ZFPM2: variants seen among roughly 807,000 people sequenced by gnomAD.
The protein encoded by ZFPM2 is zinc finger protein ZFPM2.
ZFPM2 carries 20 observed loss-of-function variants against 98.6 expected under a neutral mutation model. That is an observed-to-expected ratio of 0.20 (90% CI 0.14 to 0.29). The LOEUF (loss-of-function observed/expected upper bound fraction) is 0.29. Ranked by LOEUF, ZFPM2 falls within the 10% of genes least tolerant of loss-of-function variation. The pLI is 1.00. For synonymous variants in ZFPM2, 518 were observed against 502.7 expected (o/e 1.03, Z -0.41); for missense variants, 1,310 against 1,388.6 (o/e 0.94, Z 0.90).
intron 1 of ZFPM2, among the ~76,000 whole-genome samples, chr8:105,329,506 T>C (rs1308520288): frequency 1.3e-5 from 2 of 151,846 alleles, no homozygotes; most frequent in African/African-American, 2.4e-5. Flanking sequence ...ATATTTCATA[T>C]TATACTTTGC....
chr8:105,574,541 G>A (rs1428738542), intron 4 of ZFPM2, among the ~76,000 whole-genome samples: 1 of 152,084 alleles, frequency 6.6e-6, no homozygotes, highest in Non-Finnish European at 1.5e-5. Flanking sequence ...CATTATTTAT[G>A]GCATTTTAGA....
intron 2 of ZFPM2, among the ~76,000 whole-genome samples, chr8:105,420,046 G>T (rs1803999713): frequency 6.6e-6 from 1 of 151,974 alleles, no homozygotes; most frequent in African/African-American, 2.4e-5. Flanking sequence ...ATCTCCTCCT[G>T]CACCAATGTA....
intron 3 of ZFPM2, among the ~76,000 whole-genome samples, chr8:105,529,282 T>G (rs1290663635): frequency 2.0e-5 from 3 of 152,152 alleles, no homozygotes; most frequent in African/African-American, 4.8e-5. Context: ...TTAAATGCCC[T>G]ACTTCTACAT....
intron 2 of ZFPM2, among the ~76,000 whole-genome samples, chr8:105,431,078 T>G (rs1812010876): frequency 6.6e-6 from 1 of 152,022 alleles, no homozygotes; most frequent in South Asian, 2.1e-4. Flanking sequence ...TAATTTTTTT[T>G]TGTATTTTTA....
At chr8:105,412,548 A>G (rs572011832) in intron 1 of ZFPM2, among the ~76,000 whole-genome samples, 7 of 151,946 alleles carry the variant, frequency 4.6e-5, no homozygotes, top group South Asian at 2.1e-4. Context: ...ATGTAAATGA[A>G]AAAAAATCAA....
chr8:105,424,980 C>T (rs1292138390), intron 2 of ZFPM2, among the ~76,000 whole-genome samples: 3 of 152,010 alleles, frequency 2.0e-5, no homozygotes, highest in Admixed American at 1.3e-4. Context: ...TCATAAAGAG[C>T]GATGGGGAAG....
intron 3 of ZFPM2, among the ~76,000 whole-genome samples, chr8:105,516,498 G>A (rs1322384044): frequency 6.6e-6 from 1 of 152,120 alleles, no homozygotes; most frequent in African/African-American, 2.4e-5. Flanking sequence ...CCTGAATAGT[G>A]GTAGTTTTTA....
intron 5 of ZFPM2, among the ~76,000 whole-genome samples, chr8:105,716,816 G>C (rs764789763): frequency 1.1e-4 from 17 of 151,986 alleles, no homozygotes; most frequent in Non-Finnish European, 1.9e-4. Context: ...CAAGAGTACA[G>C]CACAACAGGG....
Position 105,365,750 on chromosome 8 carries a change from G to A in ZFPM2, c.40+46769G>A, listed in dbSNP as rs149701207. 7.8e-4 allele frequency among the ~76,000 whole-genome samples: 119 copies of A among 152,198 alleles called. 1 individual carries two copies. The highest frequency in any genetic ancestry group is 2.6e-3 in the African/African-American group (108 of 41,540). On this transcript the variant is annotated intron_variant, in intron 1 of 7. Coordinates refer to ENST00000407775, the MANE Select transcript of ZFPM2 (RefSeq NM_012082.4). Reference sequence around the variant, plus strand: ...TGGCCTCCCATCAAGACAGACTGACGTGCTCAGCCAGGACCACCTTACTTA... The same window carrying A: ...TGGCCTCCCATCAAGACAGACTGACATGCTCAGCCAGGACCACCTTACTTA...
At chr8:105,455,462 G>T (rs2130273791) in intron 3 of ZFPM2, among the ~76,000 whole-genome samples, 1 of 152,232 alleles carries the variant, frequency 6.6e-6, no homozygotes, top group Middle Eastern at 3.4e-3. Flanking sequence ...AACCAAGAGA[G>T]TGGTATAAGA....
At chr8:105,721,607 A>G (rs1238584277) in intron 5 of ZFPM2, among the ~76,000 whole-genome samples, 1 of 151,972 alleles carries the variant, frequency 6.6e-6, no homozygotes, top group Non-Finnish European at 1.5e-5. Context: ...GCCAGGTTAC[A>G]GTTTTTTTGC....
At chr8:105,506,184 C>T (rs302964) in intron 3 of ZFPM2, among the ~76,000 whole-genome samples, 89,999 of 151,956 alleles carry the variant, frequency 0.59, 28,391 homozygotes, top group African/African-American at 0.8. Flanking sequence ...TTGTTAGATA[C>T]CATCATTTGG....
rs1426090324 is a variant in ZFPM2, at chr8:105,518,060, T to C, written c.302-43303T>C. Among the ~76,000 whole-genome samples, 4 of 152,360 alleles carry C rather than the reference T, an allele frequency of 2.6e-5. No individual in the cohort carries two copies. In the South Asian group the frequency reaches 6.2e-4, roughly 24 times the overall value. ...ATTTTGTGACTAAGTTGATTTTATC[T>C]GTTAATTCAGTCAGAGGCACTTTGA... On this transcript the variant is annotated intron_variant, in intron 3 of 7. Coordinates refer to ENST00000407775, the MANE Select transcript of ZFPM2 (RefSeq NM_012082.4).
At chr8:105,594,539 G>A (rs1028077855) in intron 4 of ZFPM2, among the ~76,000 whole-genome samples, 8 of 151,956 alleles carry the variant, frequency 5.3e-5, no homozygotes, top group African/African-American at 1.7e-4. Context: ...TTGGTTCAAG[G>A]GACTGAGCTT....
intron 3 of ZFPM2, among the ~76,000 whole-genome samples, chr8:105,531,116 G>A (rs1161705979): frequency 2.6e-5 from 4 of 152,082 alleles, no homozygotes; most frequent in Non-Finnish European, 4.4e-5. Context: ...AATGATATGG[G>A]TTACCAAGAT....
At chr8:105,664,768 C>A (rs1817458785) in intron 5 of ZFPM2, among the ~76,000 whole-genome samples, 1 of 151,984 alleles carries the variant, frequency 6.6e-6, no homozygotes, top group Non-Finnish European at 1.5e-5. Context: ...TTCAGAGGGA[C>A]CTGATTAGTA....
intron 5 of ZFPM2, among the ~76,000 whole-genome samples, chr8:105,667,380 A>G (rs1817510127): frequency 6.6e-6 from 1 of 152,224 alleles, no homozygotes; most frequent in Non-Finnish European, 1.5e-5. Flanking sequence ...AACCAATATC[A>G]ATCAAATGAT....
intron 4 of ZFPM2, among the ~76,000 whole-genome samples, chr8:105,580,825 CTCTA>C (rs745552510): frequency 0.028 from 3,808 of 135,020 alleles, 70 homozygotes; most frequent in Middle Eastern, 0.048. Flanking sequence ...CTCTCTCTCT[CTCTA>C]TATATATATA....
At chr8:105,599,267 G>T (rs1322487163) in intron 4 of ZFPM2, among the ~76,000 whole-genome samples, 1 of 151,768 alleles carries the variant, frequency 6.6e-6, no homozygotes, top group Non-Finnish European at 1.5e-5. Flanking sequence ...ATGTCATACT[G>T]TGGCCCTGTC....
Sources: allele counts gnomAD v4.1 joint callset (sites outside exome capture counted in the v4.1 genomes callset), GRCh38; gene constraint gnomAD v4.1.1; transcripts MANE v1.5; gene names NCBI Gene and HGNC (gene_info 2026-07-23, HGNC 2026-07-21).